PHF21A: variants seen among roughly 807,000 people sequenced by gnomAD.
PHF21A encodes the protein PHD finger protein 21A.
A neutral mutation model predicts 82.5 loss-of-function variants in PHF21A; 11 were observed. The observed-to-expected ratio is 0.13, with a 90% CI of 0.08 to 0.22. PHF21A has a LOEUF of 0.22. Ranked by LOEUF, PHF21A falls within the 10% of genes least tolerant of loss-of-function variation. The probability of loss-of-function intolerance (pLI) is 1.00; values close to 1 mark genes in which losing one functional copy is unlikely to be tolerated. For synonymous variants in PHF21A, 297 were observed against 302.8 expected, an observed-to-expected ratio of 0.98 and a Z score of 0.20; for missense variants, 579 against 837.8, an observed-to-expected ratio of 0.69 and a Z score of 3.81.
chr11:45,997,998 A>C (rs1473301246), intron 6 of PHF21A, among the ~76,000 whole-genome samples: 2 of 152,228 alleles, frequency 1.3e-5, no homozygotes, highest in Non-Finnish European at 2.9e-5. Context: ...ATGGCAGCAC[A>C]GTTTTGCTCC....
intron 6 of PHF21A, among the ~76,000 whole-genome samples, chr11:46,014,896 C>T (rs1326173213): frequency 2.2e-5 from 2 of 92,830 alleles, no homozygotes; most frequent in Admixed American, 1.1e-4. Context: ...AGGAGAATGG[C>T]GTGAACCCGG....
intron 7 of PHF21A, among the ~76,000 whole-genome samples, chr11:45,977,467 T>C (rs555602022): frequency 1.3e-5 from 2 of 152,270 alleles, no homozygotes; most frequent in South Asian, 2.1e-4. Flanking sequence ...AAAATGTTAC[T>C]TGAACAGGAT....
At chr11:45,940,514 G>C (rs2090148158) in intron 15 of PHF21A, among the ~76,000 whole-genome samples, 2 of 152,196 alleles carry the variant, frequency 1.3e-5, no homozygotes, top group South Asian at 4.1e-4. Context: ...TTTCTTAGTA[G>C]GAAAATGTGA....
At chr11:46,033,673 C>T (rs998857014) in intron 6 of PHF21A, among the ~76,000 whole-genome samples, 2 of 152,210 alleles carry the variant, frequency 1.3e-5, no homozygotes, top group African/African-American at 4.8e-5. Context: ...TATCTATCCA[C>T]TAGCCATATA....
At chr11:46,013,923 C>A (rs1412152195) in intron 6 of PHF21A, among the ~76,000 whole-genome samples, 1 of 152,108 alleles carries the variant, frequency 6.6e-6, no homozygotes, top group East Asian at 1.9e-4. Context: ...AATGTGAAAG[C>A]CTAACACATT....
At chr11:45,978,407 T>G (rs904316800) in intron 7 of PHF21A, among the ~76,000 whole-genome samples, 1 of 152,216 alleles carries the variant, frequency 6.6e-6, no homozygotes, top group Non-Finnish European at 1.5e-5. Flanking sequence ...GTAAAACACT[T>G]AGGAGACTGC....
chr11:46,103,063 G>A (rs1304636537), intron 1 of PHF21A, among the ~76,000 whole-genome samples: 1 of 152,116 alleles, frequency 6.6e-6, no homozygotes, highest in Non-Finnish European at 1.5e-5. Context: ...AGCACCACCG[G>A]CTGGACAGGG....
intron 6 of PHF21A, among the ~76,000 whole-genome samples, chr11:46,005,957 A>G (rs544457891): frequency 6.6e-6 from 1 of 152,356 alleles, no homozygotes; most frequent in African/African-American, 2.4e-5. Flanking sequence ...TACAATTTTA[A>G]AAGTTTATTT....
chr11:46,074,308 C>T (rs2096695543), intron 6 of PHF21A, among the ~76,000 whole-genome samples: 1 of 151,910 alleles, frequency 6.6e-6, no homozygotes, highest in African/African-American at 2.4e-5. Context: ...TGACATTATT[C>T]TTCAAACTTT....
intron 6 of PHF21A, among the ~76,000 whole-genome samples, chr11:46,037,597 C>T (rs542373204): frequency 3.5e-5 from 5 of 143,422 alleles, no homozygotes; most frequent in African/African-American, 1.3e-4. Context: ...GAGCCGAGAT[C>T]GTGCCAGCGC....
intron 1 of PHF21A, among the ~76,000 whole-genome samples, chr11:46,101,882 C>T (rs991875817): frequency 5.9e-4 from 87 of 147,682 alleles, no homozygotes; most frequent in African/African-American, 2.1e-3. Context: ...TTTTTAAATA[C>T]GGAGTCTCGC....
chr11:46,023,730 C>T (rs187683744), intron 6 of PHF21A, among the ~76,000 whole-genome samples: 1,643 of 152,214 alleles, frequency 0.011, 16 homozygotes, highest in Non-Finnish European at 0.018. Flanking sequence ...CAGAGGTGGG[C>T]GGATCGCCTG....
chr11:46,007,313 CT>C (rs1473213442), intron 6 of PHF21A, among the ~76,000 whole-genome samples: 2 of 151,534 alleles, frequency 1.3e-5, no homozygotes, highest in Non-Finnish European at 2.9e-5. Context: ...CTTTTTTCTT[CT>C]TCTTCTTTTT....
At chr11:46,003,768 T>G (rs1034452164) in intron 6 of PHF21A, among the ~76,000 whole-genome samples, 1 of 152,234 alleles carries the variant, frequency 6.6e-6, no homozygotes, top group African/African-American at 2.4e-5. Context: ...CCCACACAAG[T>G]GCTTTTAAAA....
chr11:46,111,106 C>G (rs561502520), intron 1 of PHF21A, among the ~76,000 whole-genome samples: 1 of 150,406 alleles, frequency 6.6e-6, no homozygotes, highest in South Asian at 2.1e-4. Context: ...TTTTAAATCA[C>G]AACTATGTGG....
In PHF21A at chr11:45,945,955, G is replaced by A. The variant is rs770748050; in HGVS notation, c.1337C>T (p.Pro446Leu). ...NAVLGFGALT[P>L]TSPQSSHPDS... The stretch of plus-strand genomic sequence containing the variant: ...AGGATGACTGGATTGGGGGGATGTT[G>A]GGGTAAGGGCTCCAAACCCCAGCAC... The change falls in exon 15 of 19, where the codon CCA becomes CTA. Residue 446 changes from proline to leucine, a missense_variant. By Grantham distance (98) the Pro-to-Leu change is moderately conservative. Transcript: ENST00000676320. 8.1e-6 allele frequency: 13 copies of A among 1,613,588 alleles called. No homozygotes were observed. The highest frequency in any genetic ancestry group is 3.3e-5 in the Admixed American group (2 of 59,958).
intron 7 of PHF21A, among the ~76,000 whole-genome samples, chr11:45,971,905 T>TTTTTTTTTTTTTTTTTTTTTTTTCTTA (rs1452859819): frequency 1.1e-5 from 1 of 89,940 alleles, no homozygotes; most frequent in African/African-American, 4.2e-5. Flanking sequence ...TTTTTTTTTT[T>TTTTTTTTTTTTTTTTTTTTTTTTCTTA]ATGGTGTCAC....
chr11:46,100,615 A>G (rs1284675390), intron 1 of PHF21A, among the ~76,000 whole-genome samples: 6 of 152,204 alleles, frequency 3.9e-5, no homozygotes, highest in African/African-American at 1.4e-4. Flanking sequence ...GATGCCAAAT[A>G]ACATCATAAC....
At chr11:46,038,281 C>T (rs1184608943) in intron 6 of PHF21A, among the ~76,000 whole-genome samples, 1 of 152,092 alleles carries the variant, frequency 6.6e-6, no homozygotes. Context: ...GCATGTGCCA[C>T]CACACCCGGC....
Sources: gnomAD v4.1 joint callset for allele counts (sites outside exome capture counted in the v4.1 genomes callset) on GRCh38, gnomAD v4.1.1 for gene constraint, MANE v1.5 for transcripts, NCBI Gene and HGNC (gene_info 2026-07-23, HGNC 2026-07-21) for gene names.